The following SYCP2L variants were observed in gnomAD, a reference collection of about 807,000 sequenced individuals.
SYCP2L encodes synaptonemal complex protein 2-like.
SYCP2L carries 98 observed loss-of-function variants against 125.8 expected under a neutral mutation model. The observed-to-expected ratio is 0.78, with a 90% CI of 0.66 to 0.92. The LOEUF (loss-of-function observed/expected upper bound fraction) is 0.92. Ranked by LOEUF, SYCP2L falls within the 40% of genes least tolerant of loss-of-function variation. The pLI, the probability that SYCP2L is intolerant of heterozygous loss-of-function variation, is 0.00. For synonymous variants in SYCP2L, 317 were observed against 325.4 expected (o/e 0.97, Z 0.28); for missense variants, 842 against 936.4 (o/e 0.90, Z 1.32).
At chr6:10,951,088 C>T (rs1444014613) in intron 23 of SYCP2L, among the ~76,000 whole-genome samples, 1 of 152,050 alleles carries the variant, frequency 6.6e-6, no homozygotes, top group Non-Finnish European at 1.5e-5. Flanking sequence ...AGACACACTC[C>T]ATAAGTATTT....
intron 21 of SYCP2L, 51 bp from the exon 22 acceptor site, chr6:10,942,408 T>C (rs774151798): frequency 2.7e-5 from 31 of 1,162,600 alleles, no homozygotes; most frequent in South Asian, 9.5e-5. Flanking sequence ...TGAATTCTTA[T>C]TGCTTTGTTA....
intron 18 of SYCP2L, 44 bp downstream of exon 18, chr6:10,928,494 T>C (rs2113352796): frequency 3.3e-6 from 5 of 1,532,074 alleles, no homozygotes; most frequent in East Asian, 2.5e-5. Context: ...CTGTCTCCAG[T>C]GGGACTGTGA....
At chr6:10,925,312 G>A (rs1438371993) in intron 15 of SYCP2L, among the ~76,000 whole-genome samples, 2 of 152,196 alleles carry the variant, frequency 1.3e-5, no homozygotes, top group African/African-American at 4.8e-5. Context: ...TACAATTCAA[G>A]ATGAGATTTG....
At chr6:10,904,075 A>G (rs929495315) in intron 8 of SYCP2L, among the ~76,000 whole-genome samples, 2 of 152,212 alleles carry the variant, frequency 1.3e-5, no homozygotes, top group African/African-American at 4.8e-5. Flanking sequence ...TAGTTATTGT[A>G]AAGGTTAAAT....
At chr6:10,915,881 T>C (rs1780684599) in intron 14 of SYCP2L, among the ~76,000 whole-genome samples, 2 of 152,212 alleles carry the variant, frequency 1.3e-5, no homozygotes, top group Non-Finnish European at 2.9e-5. Context: ...TGTGGAATAA[T>C]GTCAGTAGGA....
At chr6:10,948,784 CTA>C (rs1781360019) in intron 23 of SYCP2L, among the ~76,000 whole-genome samples, 6 of 152,018 alleles carry the variant, frequency 3.9e-5, no homozygotes, top group Admixed American at 3.9e-4. Context: ...TAAAAACTAA[CTA>C]TTTTTTAAAA....
At chr6:10,931,316 C>A in intron 19 of SYCP2L, 124 bp from the exon 20 acceptor site, 1 of 871,576 alleles carries the variant, frequency 1.1e-6, no homozygotes, top group Non-Finnish European at 1.9e-6. Flanking sequence ...TAAGAGTAGA[C>A]ATTTCTGGAA....
rs752094382 is a variant in SYCP2L at position 10,961,520 on chromosome 6, T to C, written c.2376T>C (p.Ser792=). 2 of 1,614,078 alleles carry C rather than the reference T, an allele frequency of 1.2e-6. No homozygotes were observed. The highest frequency in any genetic ancestry group is 1.1e-5 in the South Asian group (1 of 91,072). The change falls in exon 28 of 30, where the codon TCT becomes TCC. Residue 792 remains serine, a synonymous_variant. Coordinates refer to ENST00000283141, the MANE Select transcript of SYCP2L (RefSeq NM_001040274.3). The stretch of plus-strand genomic sequence containing the variant: ...CTTAGGAATTCTGGGGGAAACAGTC[T>C]GCTGATCTGCAATCTTTCTGTGATC... The part of the protein sequence containing the change: ...KEVLEFWGKQ[S]ADLQSFCDLQ...
In SYCP2L at chr6:10,963,827, A is replaced by T. The variant is rs768153624; in HGVS notation, c.*21A>T. The stretch of plus-strand genomic sequence containing the variant: ...CATAAGAAAGCCAAAGCCTGGTTTT[A>T]TGATTGCAGCCCTCAGGTAGGTGCA... On this transcript the variant is annotated 3_prime_UTR_variant, in exon 29 of 30. Coordinates refer to ENST00000283141, the MANE Select transcript of SYCP2L (RefSeq NM_001040274.3). 2.5e-5 allele frequency: 41 copies of T among 1,613,852 alleles called. No homozygotes were observed. Among genetic ancestry groups the T allele is most frequent in the South Asian group, 1.8e-4 (16 of 91,080 alleles).
chr6:10,927,889 C>T (rs575141596), intron 17 of SYCP2L, among the ~76,000 whole-genome samples: 3 of 152,288 alleles, frequency 2.0e-5, no homozygotes, highest in African/African-American at 4.8e-5. Context: ...CTCAGGGGCG[C>T]ATTCTCTTTC....
chr6:10,943,309 C>T (rs1488988281), intron 23 of SYCP2L, among the ~76,000 whole-genome samples: 4 of 152,014 alleles, frequency 2.6e-5, no homozygotes, highest in Non-Finnish European at 5.9e-5. Context: ...TTTAAAATTA[C>T]GTATCGAAAG....
chr6:10,892,473 A>AT (rs1356907473), intron 2 of SYCP2L, among the ~76,000 whole-genome samples: 1 of 152,020 alleles, frequency 6.6e-6, no homozygotes, highest in Admixed American at 6.6e-5. Context: ...CTAGTTTTTC[A>AT]TTTTTTGTAG....
At position 10,907,892 on chromosome 6, in the gene SYCP2L, GTT is replaced by G. The variant is rs551103839; in HGVS notation, c.819+225_819+226del. On this transcript the variant is annotated intron_variant, in intron 10 of 29. Coordinates refer to ENST00000283141, the MANE Select transcript of SYCP2L (RefSeq NM_001040274.3). Reference sequence around the variant, plus strand: ...GAGCTAGATATAGGGATACAGATAGGTTTTTTTTTTTTTTTTTTGACAGAGTC... The same window carrying G: ...GAGCTAGATATAGGGATACAGATAGGTTTTTTTTTTTTTTTTGACAGAGTC... 1.4e-4 allele frequency among the ~76,000 whole-genome samples: 13 copies of G among 91,934 alleles called. No homozygotes were observed. The East Asian group carries it at 1.8e-3, about 13-fold the overall frequency. 60.3% of individuals were successfully genotyped at this position (91,934 alleles called of 152,430 possible).
chr6:10,910,815 ATT>A lies in SYCP2L; in HGVS notation c.873-6_873-5del. 2 of 1,613,544 alleles carry A rather than the reference ATT, an allele frequency of 1.2e-6. No individual in the cohort carries two copies. Among genetic ancestry groups the A allele is most frequent in the Middle Eastern group, 3.3e-4 (2 of 6,060 alleles). On this transcript the variant is annotated splice_polypyrimidine_tract_variant and splice_region_variant and intron_variant, in intron 11 of 29. Coordinates refer to ENST00000283141, the MANE Select transcript of SYCP2L (RefSeq NM_001040274.3). Reference sequence around the variant, plus strand: ...TGTTTTATTTTTTTAATTGTGAGGTATTTTGCAGGGTGTATTCATTTCCGTGT... The same window carrying A: ...TGTTTTATTTTTTTAATTGTGAGGTATTGCAGGGTGTATTCATTTCCGTGT...
intron 29 of SYCP2L, among the ~76,000 whole-genome samples, chr6:10,971,761 T>C (rs1218911178): frequency 2.0e-5 from 3 of 151,338 alleles, no homozygotes; most frequent in African/African-American, 7.3e-5. Context: ...CTTAGCTCAT[T>C]GCACCTCCTC....
intron 15 of SYCP2L, among the ~76,000 whole-genome samples, chr6:10,924,862 G>A (rs16870820): frequency 0.019 from 2,874 of 152,220 alleles, 103 homozygotes; most frequent in African/African-American, 0.066. Flanking sequence ...TTTGTTCCTT[G>A]AAATGCTTTA....
chr6:10,890,394 C>T (rs957473747), intron 1 of SYCP2L, among the ~76,000 whole-genome samples: 1 of 152,138 alleles, frequency 6.6e-6, no homozygotes, highest in Non-Finnish European at 1.5e-5. Flanking sequence ...GCCATTCTAA[C>T]TGGGGTAAGA....
intron 14 of SYCP2L, among the ~76,000 whole-genome samples, chr6:10,917,759 C>T (rs56085351): frequency 0.062 from 9,497 of 152,080 alleles, 990 homozygotes; most frequent in African/African-American, 0.21. Context: ...GTGATTTATG[C>T]CTTAAAGAGG....
Position 10,954,801 on chromosome 6 carries a change from C to T in SYCP2L, c.1955-315C>T, listed in dbSNP as rs922850821. On this transcript the variant is annotated intron_variant, in intron 23 of 29. Coordinates refer to ENST00000283141, the MANE Select transcript of SYCP2L (RefSeq NM_001040274.3). This position sits in a 1 kb window ranked among gnomAD's most constrained non-coding sequence, Gnocchi z 4.8. ...CTGTCTTGCTATTTAGCTCAGAGCC[C>T]TGGAAGCGTTGCTTTTGATGTCTAC... Among the ~76,000 whole-genome samples, 4 of 152,162 alleles carry T rather than the reference C, an allele frequency of 2.6e-5. No homozygotes were observed. Among genetic ancestry groups the T allele is most frequent in the African/African-American group, 9.7e-5 (4 of 41,440 alleles).
Sources: allele counts gnomAD v4.1 joint callset (sites outside exome capture counted in the v4.1 genomes callset), GRCh38; gene constraint gnomAD v4.1.1; non-coding constraint Gnocchi (gnomAD v3.1); transcripts MANE v1.5; gene names NCBI Gene and HGNC (gene_info 2026-07-23, HGNC 2026-07-21).